Variants in FBP1 observed in about 807,000 individuals in gnomAD.
FBP1 encodes fructose-bisphosphatase 1, also known as fructose-1,6-bisphosphatase 1.
A neutral mutation model predicts 29.9 loss-of-function variants in FBP1; 22 were observed. That is an observed-to-expected ratio of 0.74 (90% CI 0.53 to 1.05). FBP1 has a LOEUF of 1.05. FBP1 is among the 50% of genes least tolerant of loss of function. The pLI is 0.00. For missense variants in FBP1, 345 were observed against 448.2 expected, an observed-to-expected ratio of 0.77 and a Z score of 2.08; for synonymous variants, 175 against 178.6, an observed-to-expected ratio of 0.98 and a Z score of 0.16.
At chr9:94,609,006 G>C (rs983934595) in intron 4 of FBP1, among the ~76,000 whole-genome samples, 1 of 152,072 alleles carries the variant, frequency 6.6e-6, no homozygotes, top group Non-Finnish European at 1.5e-5. Flanking sequence ...TTCGCGACCA[G>C]CCTGACCAAC....
intron 1 of FBP1, among the ~76,000 whole-genome samples, chr9:94,636,708 G>C (rs1307227852): frequency 6.7e-6 from 1 of 149,602 alleles, no homozygotes; most frequent in African/African-American, 2.5e-5. Context: ...TTCTTTTTTT[G>C]AGACAGAGTC....
intron 1 of FBP1, among the ~76,000 whole-genome samples, chr9:94,637,721 G>T (rs28402378): frequency 0.087 from 13,239 of 152,146 alleles, 768 homozygotes; most frequent in East Asian, 0.24. Flanking sequence ...GTGTGCATAA[G>T]TGCGGGGAAT....
chr9:94,603,869 C>T lies in FBP1; in HGVS notation c.826-297G>A, dbSNP rs573745997. On this transcript the variant is annotated intron_variant, in intron 6 of 6. Coordinates refer to ENST00000375326, the MANE Select transcript of FBP1 (RefSeq NM_000507.4). ...GGACAGAATGACATTTTGGCAGAAGCGATCATTGCCTTCTCTTTATACCAT... is the reference window on the plus strand; with the variant it reads ...GGACAGAATGACATTTTGGCAGAAGTGATCATTGCCTTCTCTTTATACCAT... 50 of 419,962 alleles carry T rather than the reference C, an allele frequency of 1.2e-4. 1 individual carries two copies. The highest frequency in any genetic ancestry group is 1.0e-3 in the South Asian group (48 of 48,006). 26.0% of individuals were successfully genotyped at this position (419,962 alleles called of 1,614,324 possible).
At chr9:94,618,454 G>A in intron 2 of FBP1, among the ~76,000 whole-genome samples, 1 of 50,134 alleles carries the variant, frequency 2.0e-5, no homozygotes, top group Admixed American at 4.2e-4. Context: ...GACTCCTTCT[G>A]TAAAAAAAAA....
In FBP1 at chr9:94,636,699, T is replaced by C. The variant is rs111940232; in HGVS notation, c.170+2442A>G. Among the ~76,000 whole-genome samples the C allele has an allele frequency of 1.6e-3, 244 of 151,942 alleles. 1 individual carries two copies. The highest frequency in any genetic ancestry group is 5.7e-3 in the African/African-American group (235 of 41,364). Reference sequence around the variant, plus strand: ...ATCAGACATGACAAGCCCTTTTTTTTCTTTTTTTGAGACAGAGTCTTACTC... The same window carrying C: ...ATCAGACATGACAAGCCCTTTTTTTCCTTTTTTTGAGACAGAGTCTTACTC... On this transcript the variant is annotated intron_variant, in intron 1 of 6. Transcript: ENST00000375326.
chr9:94,616,030 G>A (rs1298309738), intron 3 of FBP1, among the ~76,000 whole-genome samples: 4 of 151,992 alleles, frequency 2.6e-5, no homozygotes, highest in African/African-American at 4.8e-5. Context: ...GGGTTTCACC[G>A]TGTTAGCCAG....
intron 4 of FBP1, among the ~76,000 whole-genome samples, chr9:94,608,920 G>A (rs1369056312): frequency 6.6e-6 from 1 of 152,144 alleles, no homozygotes; most frequent in Non-Finnish European, 1.5e-5. Context: ...AAAAAAGTTG[G>A]CCAGGCATGG....
chr9:94,634,963 C>T (rs1464883754), intron 1 of FBP1, among the ~76,000 whole-genome samples: 1 of 151,922 alleles, frequency 6.6e-6, no homozygotes, highest in Non-Finnish European at 1.5e-5. Context: ...GTAGTGTACG[C>T]CTGTAATCTC....
chr9:94,617,603 C>T (rs1178949858), intron 3 of FBP1, among the ~76,000 whole-genome samples, 165 bp downstream of exon 3: 3 of 152,144 alleles, frequency 2.0e-5, no homozygotes, highest in Admixed American at 6.6e-5. Flanking sequence ...AGTGGGTCTT[C>T]GTCATGCAAT....
intron 1 of FBP1, among the ~76,000 whole-genome samples, chr9:94,634,718 A>G (rs1397647960): frequency 1.3e-5 from 2 of 152,232 alleles, no homozygotes; most frequent in Admixed American, 1.3e-4. Context: ...CATTTGCCCA[A>G]AGCAATGACT....
At chr9:94,622,596 G>T (rs770516748) in intron 1 of FBP1, among the ~76,000 whole-genome samples, 2 of 152,192 alleles carry the variant, frequency 1.3e-5, no homozygotes, top group Non-Finnish European at 2.9e-5. Flanking sequence ...TCTCGGGCCC[G>T]CCTGTCAGCG....
intron 1 of FBP1, among the ~76,000 whole-genome samples, chr9:94,630,608 G>A (rs1320080084): frequency 6.6e-6 from 1 of 152,168 alleles, no homozygotes; most frequent in African/African-American, 2.4e-5. Flanking sequence ...ACAGAGAGGG[G>A]GCATAACTGA....
At chr9:94,613,782 GAA>G (rs1287027876) in intron 3 of FBP1, among the ~76,000 whole-genome samples, 24 of 121,250 alleles carry the variant, frequency 2.0e-4, no homozygotes, top group African/African-American at 8.2e-4. Flanking sequence ...AGAAAAAAAA[GAA>G]GAAAAAAAAA....
chr9:94,615,890 C>T (rs544018896), intron 3 of FBP1, among the ~76,000 whole-genome samples: 4 of 150,052 alleles, frequency 2.7e-5, no homozygotes, highest in East Asian at 3.9e-4. Context: ...TCCAGTAGCG[C>T]GATCTTGGCT....
chr9:94,617,923 A>G, intron 2 of FBP1, 63 bp from the exon 3 acceptor site: 6 of 1,229,304 alleles, frequency 4.9e-6, no homozygotes, highest in Non-Finnish European at 7.2e-6. Context: ...AAAGGAGTAT[A>G]CATTAGGGGC....
intron 1 of FBP1, among the ~76,000 whole-genome samples, chr9:94,637,881 G>A (rs531718075): frequency 2.0e-5 from 3 of 151,778 alleles, no homozygotes; most frequent in Non-Finnish European, 2.9e-5. Context: ...TCGGGAGTTC[G>A]AGACCAGCCT....
At chr9:94,624,198 C>T (rs1396658054) in intron 1 of FBP1, among the ~76,000 whole-genome samples, 1 of 151,416 alleles carries the variant, frequency 6.6e-6, no homozygotes, top group Non-Finnish European at 1.5e-5. Context: ...ATTAGCCGGG[C>T]ATGGTGGCGG....
intron 1 of FBP1, among the ~76,000 whole-genome samples, chr9:94,620,936 G>A (rs559143297): frequency 5.3e-5 from 8 of 152,300 alleles, no homozygotes; most frequent in African/African-American, 1.2e-4. Context: ...AAAAAGGGCC[G>A]GGCGTGGTGG....
Position 94,639,166 on chromosome 9 carries a change from CCGCCGAAG to C in FBP1, c.137_144del (p.Ser46CysfsTer21), listed in dbSNP as rs1828244689. On this transcript the variant is annotated frameshift_variant, in exon 1 of 7. Coordinates refer to ENST00000375326, the MANE Select transcript of FBP1 (RefSeq NM_000507.4). LOFTEE classifies it high-confidence loss of function. Reference sequence around the variant, plus strand: ...AGGTGCGCGATGCCCGCCTTGCGCACCGCCGAAGAGATGGCTTTGACTGCTGTGCAGAG... The same window carrying C: ...AGGTGCGCGATGCCCGCCTTGCGCACAGATGGCTTTGACTGCTGTGCAGAG... 1.2e-6 allele frequency: 2 copies of C among 1,604,332 alleles called. No homozygotes were observed. The highest frequency in any genetic ancestry group is 2.7e-5 in the African/African-American group (2 of 74,894).
Sources: gnomAD v4.1 joint callset for allele counts (sites outside exome capture counted in the v4.1 genomes callset) on GRCh38, gnomAD v4.1.1 for gene constraint, MANE v1.5 for transcripts, NCBI Gene and HGNC (gene_info 2026-07-23, HGNC 2026-07-21) for gene names.